The following STX18 variants were observed in gnomAD, a reference collection of about 807,000 sequenced individuals.
STX18 encodes syntaxin-18.
In STX18, 40 loss-of-function variants were observed where a neutral mutation model predicts 50.1. That is an observed-to-expected ratio of 0.80 (90% confidence interval 0.62 to 1.04). STX18 has a LOEUF of 1.04. Ranked by LOEUF, STX18 falls within the 50% of genes least tolerant of loss-of-function variation. STX18 has a pLI of 0.00. For missense variants in STX18, 410 were observed against 415.8 expected, an observed-to-expected ratio of 0.99 and a Z score of 0.12; for synonymous variants, 158 against 151.8, an observed-to-expected ratio of 1.04 and a Z score of -0.30.
chr4:4,423,657 C>G (rs1286935905), intron 8 of STX18, 70 bp from the exon 9 acceptor site: 21 of 1,471,292 alleles, frequency 1.4e-5, no homozygotes, highest in Non-Finnish European at 1.9e-5. Flanking sequence ...TTACACACTT[C>G]TAAAGAAATC....
At chr4:4,451,826 G>T (rs1726767366) in intron 5 of STX18, among the ~76,000 whole-genome samples, 1 of 152,138 alleles carries the variant, frequency 6.6e-6, no homozygotes, top group Admixed American at 6.5e-5. Context: ...CCCAGCAGCG[G>T]CCTCTAAGTG....
At chr4:4,498,513 C>T (rs1327189979) in intron 1 of STX18, among the ~76,000 whole-genome samples, 1 of 152,136 alleles carries the variant, frequency 6.6e-6, no homozygotes, top group Non-Finnish European at 1.5e-5. Context: ...TTAATATTTA[C>T]TGAATAAGTA....
At chr4:4,525,738 A>G (rs547970121) in intron 1 of STX18, among the ~76,000 whole-genome samples, 2 of 152,296 alleles carry the variant, frequency 1.3e-5, no homozygotes, top group African/African-American at 4.8e-5. Context: ...GAGAGATAAC[A>G]CAATCGCAGC....
At chr4:4,512,367 T>C (rs750209702) in intron 1 of STX18, among the ~76,000 whole-genome samples, 3 of 152,128 alleles carry the variant, frequency 2.0e-5, no homozygotes, top group Non-Finnish European at 4.4e-5. Flanking sequence ...AGGATTCTGA[T>C]TGGCCTGATT....
intron 1 of STX18, among the ~76,000 whole-genome samples, chr4:4,529,418 T>C (rs1730979464): frequency 6.6e-6 from 1 of 151,652 alleles, no homozygotes; most frequent in African/African-American, 2.4e-5. Context: ...AAAAGGTTGG[T>C]TTGGAAGCAG....
chr4:4,539,404 G>A lies in STX18; in HGVS notation c.168+2393C>T, dbSNP rs565819037. Among the ~76,000 whole-genome samples the A allele has an allele frequency of 3.3e-5, 5 of 152,324 alleles. No individual in the cohort carries two copies. The South Asian group carries it at 1.0e-3, about 32-fold the overall frequency. On this transcript the variant is annotated intron_variant, in intron 1 of 10. Transcript: ENST00000306200. ...CTTTTGACATCTAATTGTAGTAAAAGCACAGGACATCCATCACTAGCTCTT... is the reference window on the plus strand; with the variant it reads ...CTTTTGACATCTAATTGTAGTAAAAACACAGGACATCCATCACTAGCTCTT...
At chr4:4,499,249 T>C (rs1271976842) in intron 1 of STX18, among the ~76,000 whole-genome samples, 1 of 152,216 alleles carries the variant, frequency 6.6e-6, no homozygotes, top group Non-Finnish European at 1.5e-5. Context: ...AATTGTAATG[T>C]GGAATGAGAC....
chr4:4,420,033 G>A lies in STX18; in HGVS notation c.*1C>T, dbSNP rs1377799493. ...CTCGTGCTGGGCCCCCGTGGCCCTG[G>A]CTAGCTGTCGTACCAGTCGAGGAAG... is the stretch of plus-strand genomic sequence containing the variant. On this transcript the variant is annotated 3_prime_UTR_variant, in exon 11 of 11. Transcript: ENST00000306200. The surrounding 1 kb of genome is among the most constrained non-coding windows in gnomAD (Gnocchi z 4.3). 2 of 1,610,052 alleles carry A rather than the reference G, an allele frequency of 1.2e-6. No individual in the cohort carries two copies. Among genetic ancestry groups the A allele is most frequent in the Non-Finnish European group, 1.7e-6 (2 of 1,178,130 alleles).
At chr4:4,439,476 A>C (rs976942837) in intron 5 of STX18, among the ~76,000 whole-genome samples, 1 of 141,750 alleles carries the variant, frequency 7.1e-6, no homozygotes, top group Non-Finnish European at 1.5e-5. Flanking sequence ...ATACACATAT[A>C]TACATACACA....
At chr4:4,496,560 C>T (rs867075836) in intron 1 of STX18, among the ~76,000 whole-genome samples, 1 of 152,188 alleles carries the variant, frequency 6.6e-6, no homozygotes, top group South Asian at 2.1e-4. Flanking sequence ...CCCACACCAC[C>T]CACTGAGCTT....
intron 5 of STX18, among the ~76,000 whole-genome samples, chr4:4,448,507 A>G (rs749508039): frequency 6.6e-6 from 1 of 152,000 alleles, no homozygotes; most frequent in Non-Finnish European, 1.5e-5. Context: ...ACACCCAGCT[A>G]ATTTTTGTAT....
intron 1 of STX18, among the ~76,000 whole-genome samples, chr4:4,477,461 A>G (rs2108843993): frequency 6.6e-6 from 1 of 152,266 alleles, no homozygotes; most frequent in East Asian, 1.9e-4. Context: ...AACAACAACA[A>G]AACTTTCACT....
intron 1 of STX18, among the ~76,000 whole-genome samples, chr4:4,500,405 C>CA (rs1172633730): frequency 6.6e-6 from 1 of 152,082 alleles, no homozygotes; most frequent in Non-Finnish European, 1.5e-5. Context: ...ATTCTCTAAC[C>CA]AAAACAGTAT....
chr4:4,466,673 G>A (rs1727636473), intron 2 of STX18, among the ~76,000 whole-genome samples: 1 of 152,194 alleles, frequency 6.6e-6, no homozygotes, highest in African/African-American at 2.4e-5. Context: ...GCAGGACAGT[G>A]GCAATGGGGA....
intron 7 of STX18, among the ~76,000 whole-genome samples, chr4:4,434,172 T>G (rs1298405375): frequency 6.6e-6 from 1 of 152,206 alleles, no homozygotes; most frequent in Admixed American, 6.5e-5. Flanking sequence ...GTGACATCTA[T>G]TCCCACACAC....
intron 1 of STX18, among the ~76,000 whole-genome samples, chr4:4,524,629 C>T (rs1387092861): frequency 2.0e-5 from 3 of 152,234 alleles, no homozygotes; most frequent in Non-Finnish European, 4.4e-5. Flanking sequence ...CTTAAAGGCG[C>T]CAACACTGTG....
intron 1 of STX18, among the ~76,000 whole-genome samples, chr4:4,527,705 T>C (rs1248919136): frequency 6.7e-6 from 1 of 149,516 alleles, no homozygotes. Flanking sequence ...GAAAAATCTG[T>C]GTGAGCCTAA....
At chr4:4,428,617 C>T (rs1725373558) in intron 7 of STX18, among the ~76,000 whole-genome samples, 1 of 152,120 alleles carries the variant, frequency 6.6e-6, no homozygotes, top group East Asian at 1.9e-4. Flanking sequence ...ACCCCTTCTA[C>T]CCTCTAGTCT....
intron 2 of STX18, among the ~76,000 whole-genome samples, chr4:4,469,171 A>G (rs926650679): frequency 6.6e-6 from 1 of 152,228 alleles, no homozygotes; most frequent in African/African-American, 2.4e-5. Context: ...GGCGCAGAGT[A>G]AAAGGTGAGG....
Sources: gnomAD v4.1 joint callset for allele counts (sites outside exome capture counted in the v4.1 genomes callset) on GRCh38, gnomAD v4.1.1 for gene constraint, Gnocchi (gnomAD v3.1) non-coding constraint, MANE v1.5 for transcripts, NCBI Gene and HGNC (gene_info 2026-07-23, HGNC 2026-07-21) for gene names.